SBF2: variants seen among roughly 807,000 people sequenced by gnomAD.
SBF2 encodes SET binding factor 2, also known as myotubularin-related protein 13.
A neutral mutation model predicts 225.2 loss-of-function variants in SBF2; 112 were observed. That is an observed-to-expected ratio of 0.50 (90% CI 0.43 to 0.58). The LOEUF (loss-of-function observed/expected upper bound fraction) is 0.58. SBF2 is among the 20% of genes least tolerant of loss of function. The pLI is 0.00. For synonymous variants in SBF2, 763 were observed against 773.3 expected, an observed-to-expected ratio of 0.99 and a Z score of 0.22; for missense variants, 1,996 against 2,206.2, an observed-to-expected ratio of 0.90 and a Z score of 1.91.
intron 32 of SBF2, 90 bp from the exon 33 acceptor site, chr11:9,796,047 G>A (rs1853101511): frequency 1.6e-6 from 2 of 1,284,968 alleles, no homozygotes; most frequent in Admixed American, 1.7e-5. Flanking sequence ...AAACATGCAG[G>A]AGACCATTCA....
At chr11:9,835,779 C>A (rs958875) in intron 26 of SBF2, among the ~76,000 whole-genome samples, 1 of 151,892 alleles carries the variant, frequency 6.6e-6, no homozygotes, top group Non-Finnish European at 1.5e-5. Flanking sequence ...GAGATCCATC[C>A]GTGTTATTTG....
intron 17 of SBF2, among the ~76,000 whole-genome samples, chr11:9,894,943 T>C (rs944821335): frequency 9.3e-5 from 14 of 149,954 alleles, no homozygotes; most frequent in African/African-American, 2.0e-4. Flanking sequence ...GATTGAGCCA[T>C]TGCACTCTAG....
At chr11:10,109,147 G>A (rs766169206) in intron 2 of SBF2, among the ~76,000 whole-genome samples, 1 of 151,558 alleles carries the variant, frequency 6.6e-6, no homozygotes, top group East Asian at 1.9e-4. Flanking sequence ...TATGCAAAAG[G>A]CATTTTTTTC....
intron 17 of SBF2, among the ~76,000 whole-genome samples, chr11:9,871,204 C>T (rs1237851947): frequency 6.6e-6 from 1 of 151,826 alleles, no homozygotes; most frequent in African/African-American, 2.4e-5. Flanking sequence ...TCAGAGTGAA[C>T]AGAAAACCTA....
chr11:10,173,373 C>T (rs1332963831), intron 2 of SBF2, among the ~76,000 whole-genome samples: 2 of 152,324 alleles, frequency 1.3e-5, no homozygotes, highest in South Asian at 4.1e-4. Flanking sequence ...AGGGAGTTCC[C>T]TTTCCTAGTC....
At chr11:10,010,315 C>A (rs1482236613) in intron 6 of SBF2, among the ~76,000 whole-genome samples, 1 of 152,044 alleles carries the variant, frequency 6.6e-6, no homozygotes, top group East Asian at 1.9e-4. Context: ...AAGTCTTTGC[C>A]CATGCCTATG....
intron 16 of SBF2, among the ~76,000 whole-genome samples, chr11:9,953,039 G>C (rs1020214794): frequency 2.0e-5 from 3 of 152,222 alleles, no homozygotes; most frequent in African/African-American, 7.2e-5. Flanking sequence ...CAGAGGAAAA[G>C]AAGTCATACC....
chr11:10,136,155 C>G (rs1954341093), intron 2 of SBF2, among the ~76,000 whole-genome samples: 1 of 152,134 alleles, frequency 6.6e-6, no homozygotes, highest in African/African-American at 2.4e-5. Flanking sequence ...TCTCATGAGA[C>G]TTATTCACTA....
At chr11:10,192,909 G>A (rs1957230663) in intron 2 of SBF2, among the ~76,000 whole-genome samples, 1 of 152,146 alleles carries the variant, frequency 6.6e-6, no homozygotes, top group Non-Finnish European at 1.5e-5. Flanking sequence ...ACCAAACTTC[G>A]TAGACATATT....
intron 1 of SBF2, among the ~76,000 whole-genome samples, chr11:10,225,484 G>A (rs546903672): frequency 6.6e-6 from 1 of 151,824 alleles, no homozygotes; most frequent in Admixed American, 6.6e-5. Flanking sequence ...TCCTAGACAA[G>A]GGCTGTCCCT....
chr11:10,269,376 C>T (rs4597056), intron 1 of SBF2, among the ~76,000 whole-genome samples: 74,726 of 151,942 alleles, frequency 0.49, 18,734 homozygotes, highest in Non-Finnish European at 0.54. Flanking sequence ...AAGCTCTAAC[C>T]GGTCCAGCTT....
intron 2 of SBF2, among the ~76,000 whole-genome samples, chr11:10,191,895 C>T (rs1453776189): frequency 1.3e-5 from 2 of 151,806 alleles, no homozygotes; most frequent in African/African-American, 4.8e-5. Flanking sequence ...TCTGTCCTAG[C>T]TAAATAGCTA....
intron 2 of SBF2, among the ~76,000 whole-genome samples, chr11:10,151,437 CA>C (rs1397266514): frequency 5.3e-5 from 8 of 152,142 alleles, no homozygotes; most frequent in Non-Finnish European, 1.0e-4. Flanking sequence ...AAGTGGTATT[CA>C]AATGTTACTA....
At chr11:9,819,847 C>T (rs1055290434) in intron 28 of SBF2, among the ~76,000 whole-genome samples, 1 of 152,254 alleles carries the variant, frequency 6.6e-6, no homozygotes, top group African/African-American at 2.4e-5. Flanking sequence ...AGCATTGCCA[C>T]GCTATCTTCC....
chr11:9,865,879 T>A (rs543790729), intron 17 of SBF2, among the ~76,000 whole-genome samples: 1 of 152,120 alleles, frequency 6.6e-6, no homozygotes, highest in South Asian at 2.1e-4. Flanking sequence ...TGTATGGAAT[T>A]CCATGGTATG....
intron 1 of SBF2, among the ~76,000 whole-genome samples, chr11:10,217,482 A>G (rs1254544515): frequency 6.6e-6 from 1 of 152,250 alleles, no homozygotes; most frequent in African/African-American, 2.4e-5. Flanking sequence ...ATGGTAGAAA[A>G]TAAGTGGCAA....
Position 9,852,688 on chromosome 11 carries a change from C to T in SBF2, c.2598G>A (p.Pro866=), listed in dbSNP as rs376372877. The part of the protein sequence containing the change: ...EAVHRESRRL[P]PIQKPKILRP... ...AGTCTGGAATTACCTTCTGAATAGG[C>T]GGAAGTCTTCTGCTTTCTCGATGTA... The change falls in exon 21 of 40, where the codon CCG becomes CCA. Residue 866 remains proline, a synonymous_variant. Coordinates refer to ENST00000256190, the MANE Select transcript of SBF2 (RefSeq NM_030962.4). The T allele has an allele frequency of 3.8e-5, 61 of 1,611,948 alleles. 1 individual carries two copies. Among genetic ancestry groups the T allele is most frequent in the East Asian group, 2.7e-4 (12 of 44,866 alleles).
At chr11:9,840,965 A>G (rs529363369) in intron 25 of SBF2, among the ~76,000 whole-genome samples, 12 of 147,748 alleles carry the variant, frequency 8.1e-5, no homozygotes, top group Non-Finnish European at 1.5e-4. Context: ...CTAACTGGGG[A>G]AAAAAAAAAT....
intron 2 of SBF2, among the ~76,000 whole-genome samples, chr11:10,136,546 G>A (rs1954364096): frequency 6.6e-6 from 1 of 152,170 alleles, no homozygotes; most frequent in Non-Finnish European, 1.5e-5. Flanking sequence ...AGGGCTTGGA[G>A]AACAAACAAA....
Sources: gnomAD v4.1 joint callset for allele counts (sites outside exome capture counted in the v4.1 genomes callset) on GRCh38, gnomAD v4.1.1 for gene constraint, MANE v1.5 for transcripts, NCBI Gene and HGNC (gene_info 2026-07-23, HGNC 2026-07-21) for gene names.